GIGYF2: variants seen among roughly 807,000 people sequenced by gnomAD.
GIGYF2 encodes the protein GRB10-interacting GYF protein 2.
Under a neutral mutation model 208.1 loss-of-function variants are expected in GIGYF2, and 25 were observed. The observed-to-expected ratio is 0.12, with a 90% CI of 0.09 to 0.17. GIGYF2 has a LOEUF of 0.17. Among genes scored for constraint, GIGYF2 ranks in the 10% least tolerant of loss-of-function variants. GIGYF2 has a pLI of 1.00. For missense variants in GIGYF2, 1,302 were observed against 1,579.4 expected (o/e 0.82, Z 2.98); for synonymous variants, 534 against 543.8 (o/e 0.98, Z 0.25).
chr2:232,850,499 A>G (rs1363301096), intron 28 of GIGYF2, 90 bp downstream of exon 28: 1 of 1,199,534 alleles, frequency 8.3e-7, no homozygotes, highest in African/African-American at 1.5e-5. Context: ...ATTGTTTTTC[A>G]AGAAGGGAAA....
chr2:232,853,915 T>G (rs1380503714), intron 28 of GIGYF2, among the ~76,000 whole-genome samples: 1 of 152,236 alleles, frequency 6.6e-6, no homozygotes, highest in Non-Finnish European at 1.5e-5. Context: ...AATGAGAATA[T>G]GTCTGTTTGC....
intron 20 of GIGYF2, among the ~76,000 whole-genome samples, chr2:232,819,569 A>G (rs1701015783): frequency 6.6e-6 from 1 of 152,240 alleles, no homozygotes; most frequent in South Asian, 2.1e-4. Flanking sequence ...TGTAGCTAAT[A>G]TAGAAACCAG....
At chr2:232,760,267 T>G in intron 6 of GIGYF2, 1 of 531,402 alleles carries the variant, frequency 1.9e-6, no homozygotes, top group African/African-American at 1.9e-5. Context: ...ATTATGTTAG[T>G]TTTTTTAACT....
intron 9 of GIGYF2, among the ~76,000 whole-genome samples, chr2:232,787,600 C>T (rs893543801): frequency 1.3e-5 from 2 of 152,154 alleles, no homozygotes. Flanking sequence ...ATGAGGGTTT[C>T]ATTCAGTTTT....
chr2:232,723,138 T>C (rs567334192), intron 2 of GIGYF2, among the ~76,000 whole-genome samples: 4 of 152,238 alleles, frequency 2.6e-5, no homozygotes, highest in Admixed American at 2.6e-4. Context: ...TAAATTCCCC[T>C]ACCCCCTTCA....
intron 8 of GIGYF2, chr2:232,782,683 C>G (rs1158178262): frequency 6.6e-6 from 1 of 152,206 alleles, no homozygotes; most frequent in African/African-American, 2.4e-5. Flanking sequence ...TTCGGCAGCA[C>G]ATACACTAAA....
chr2:232,750,028 TAAA>T (rs557819286), intron 5 of GIGYF2, among the ~76,000 whole-genome samples: 1 of 151,602 alleles, frequency 6.6e-6, no homozygotes, highest in Non-Finnish European at 1.5e-5. Flanking sequence ...CTACTAAAAA[TAAA>T]AAAATTAGCC....
chr2:232,831,977 G>C (rs2106408026), intron 21 of GIGYF2, among the ~76,000 whole-genome samples: 2 of 152,318 alleles, frequency 1.3e-5, no homozygotes, highest in Non-Finnish European at 2.9e-5. Flanking sequence ...GATGTGGCAG[G>C]AGGCTTTGTC....
chr2:232,704,306 G>A (rs1192588901), intron 2 of GIGYF2, among the ~76,000 whole-genome samples: 5 of 152,162 alleles, frequency 3.3e-5, no homozygotes, highest in Non-Finnish European at 5.9e-5. Flanking sequence ...CGATTTATCT[G>A]TTCTAAAGAG....
At chr2:232,747,778 ATGAGACT>A in intron 4 of GIGYF2, 34 bp downstream of exon 4, 1 of 1,599,616 alleles carries the variant, frequency 6.3e-7, no homozygotes, top group South Asian at 1.1e-5. Flanking sequence ...AAAATTGTGA[ATGAGACT>A]TTGGGATATA....
At chr2:232,782,717 A>G (rs1194913565) in intron 8 of GIGYF2, 1 of 152,228 alleles carries the variant, frequency 6.6e-6, no homozygotes, top group Non-Finnish European at 1.5e-5. Context: ...AGAGATTAGC[A>G]TGGCCCCTGT....
intron 12 of GIGYF2, among the ~76,000 whole-genome samples, chr2:232,791,901 T>G (rs1700078942): frequency 6.6e-6 from 1 of 152,230 alleles, no homozygotes; most frequent in African/African-American, 2.4e-5. Flanking sequence ...TTAAAACATA[T>G]CTCTTTCAGT....
At chr2:232,725,508 C>T (rs985896901) in intron 2 of GIGYF2, among the ~76,000 whole-genome samples, 5 of 152,194 alleles carry the variant, frequency 3.3e-5, no homozygotes, top group African/African-American at 7.2e-5. Context: ...ATTTCCTCAT[C>T]TACAAAATTG....
intron 2 of GIGYF2, among the ~76,000 whole-genome samples, chr2:232,720,609 G>GGTTGGTTT: frequency 6.7e-6 from 1 of 148,224 alleles, no homozygotes; most frequent in South Asian, 2.1e-4. Flanking sequence ...TTGTTTGTTT[G>GGTTGGTTT]TTTGAGACGG....
intron 5 of GIGYF2, among the ~76,000 whole-genome samples, chr2:232,752,107 A>G (rs975610612): frequency 6.6e-6 from 1 of 152,196 alleles, no homozygotes. Context: ...GGCATTTAAA[A>G]TGCACCATTT....
chr2:232,773,399 T>C (rs992009449), intron 8 of GIGYF2, among the ~76,000 whole-genome samples: 2 of 152,218 alleles, frequency 1.3e-5, no homozygotes, highest in African/African-American at 4.8e-5. Flanking sequence ...AAAAGAAATT[T>C]ACACAAGGCA....
At chr2:232,835,432 T>G (rs905917925) in intron 22 of GIGYF2, among the ~76,000 whole-genome samples, 3 of 152,208 alleles carry the variant, frequency 2.0e-5, no homozygotes, top group African/African-American at 7.2e-5. Flanking sequence ...ATATGCGAAG[T>G]CTTTGTGAAA....
chr2:232,818,678 C>A (rs1017101822), intron 20 of GIGYF2, among the ~76,000 whole-genome samples: 1 of 151,992 alleles, frequency 6.6e-6, no homozygotes, highest in South Asian at 2.1e-4. Flanking sequence ...GTCACCCAGG[C>A]TGGAGGTATA....
In GIGYF2 at chr2:232,756,197, CTTTTTTTTT is replaced by C. The variant is rs759525243; in HGVS notation, c.268-14_268-6del. 8.6e-5 allele frequency: 61 copies of C among 710,614 alleles called. No homozygotes were observed. The highest frequency in any genetic ancestry group is 1.4e-4 in the Admixed American group (5 of 34,518). 44.0% of individuals were successfully genotyped at this position (710,614 alleles called of 1,614,324 possible). On this transcript the variant is annotated splice_polypyrimidine_tract_variant and intron_variant, in intron 5 of 28. Transcript: ENST00000373563. ...TTTTCTTTCTTTTTTTCCTTTTTCT[CTTTTTTTTT>C]TTTTTTTTTTTGGCAGAGAAACTTT...
Sources: gnomAD v4.1 joint callset for allele counts (sites outside exome capture counted in the v4.1 genomes callset) on GRCh38, gnomAD v4.1.1 for gene constraint, MANE v1.5 for transcripts, NCBI Gene and HGNC (gene_info 2026-07-23, HGNC 2026-07-21) for gene names.